PUM2: variants seen among roughly 807,000 people sequenced by gnomAD.
The protein encoded by PUM2 is pumilio RNA binding family member 2, also known as pumilio homolog 2.
A neutral mutation model predicts 124.5 loss-of-function variants in PUM2; 57 were observed. The ratio of observed to expected loss-of-function variants is 0.46; its 90% CI spans 0.37 to 0.57. The LOEUF (loss-of-function observed/expected upper bound fraction) is 0.57. Ranked by LOEUF, PUM2 falls within the 20% of genes least tolerant of loss-of-function variation. The pLI is 0.00. For missense variants in PUM2, 1,065 were observed against 1,290.6 expected, an observed-to-expected ratio of 0.83 and a Z score of 2.68; for synonymous variants, 460 against 446.1, an observed-to-expected ratio of 1.03 and a Z score of -0.39.
In PUM2 at chr2:20,258,287, G is replaced by A. The variant is rs757617481; in HGVS notation, c.2440C>T (p.Arg814Cys). Residue 814 changes from arginine (R) to cysteine (C), a missense_variant, in exon 16 of 21, where the codon CGC (arginine) becomes TGC (cysteine). Around this residue, in one of 3 missense-constraint regions of PUM2, gnomAD observed 968 missense variants for 1,159.8 expected, o/e 0.83. Coordinates refer to ENST00000361078, the MANE Select transcript of PUM2 (RefSeq NM_015317.5). ...GATTCTAATGCTTTCTGAATAACGCGGCAGCCATACATCTGCAAGGCTAAG... is the reference window on the plus strand; with the variant it reads ...GATTCTAATGCTTTCTGAATAACGCAGCAGCCATACATCTGCAAGGCTAAG... ...LPLALQMYGC[R>C]VIQKALESIS... 2 of 1,610,970 alleles carry A rather than the reference G, an allele frequency of 1.2e-6. No individual in the cohort carries two copies. The highest frequency in any genetic ancestry group is 1.7e-6 in the Non-Finnish European group (2 of 1,177,978).
At chr2:20,258,456 C>T (rs1166651879) in intron 15 of PUM2, 85 bp from the exon 16 acceptor site, 2 of 1,402,142 alleles carry the variant, frequency 1.4e-6, no homozygotes, top group Admixed American at 3.8e-5. Context: ...GCAGTCTATT[C>T]ATTCTATCAG....
At chr2:20,275,187 A>G (rs139102574) in intron 13 of PUM2, among the ~76,000 whole-genome samples, 2 of 152,042 alleles carry the variant, frequency 1.3e-5, no homozygotes, top group African/African-American at 4.8e-5. Flanking sequence ...GAACCAATAT[A>G]AAGGGGCTCC....
chr2:20,273,091 T>C (rs894280126), intron 13 of PUM2, among the ~76,000 whole-genome samples: 9 of 152,218 alleles, frequency 5.9e-5, no homozygotes, highest in South Asian at 4.1e-4. Context: ...GGTGGGATGG[T>C]GTAAATTACA....
At chr2:20,287,208 C>T (rs72787412) in intron 10 of PUM2, among the ~76,000 whole-genome samples, 8,924 of 152,186 alleles carry the variant, frequency 0.059, 349 homozygotes, top group Non-Finnish European at 0.088. Context: ...TTCCCATCTA[C>T]GACCACATTA....
chr2:20,291,992 A>G (rs921726535), intron 9 of PUM2, among the ~76,000 whole-genome samples: 1 of 151,266 alleles, frequency 6.6e-6, no homozygotes, highest in Non-Finnish European at 1.5e-5. Flanking sequence ...AAAGTCCTTT[A>G]GTTGGTGTGT....
At chr2:20,273,757 T>TA (rs1299788471) in intron 13 of PUM2, among the ~76,000 whole-genome samples, 2 of 152,126 alleles carry the variant, frequency 1.3e-5, no homozygotes, top group Non-Finnish European at 2.9e-5. Context: ...CTATACACAG[T>TA]CCCTAAATTG....
rs536027974 is a variant in PUM2 at position 20,308,297 on chromosome 2, A to C, written c.789+17T>G. ...TACAGTTAAGAGGACCTTCTTAAAG[A>C]AAGAACATGCTTTTACCTGCTGCTG... On this transcript the variant is annotated intron_variant, in intron 6 of 20. Coordinates refer to ENST00000361078, the MANE Select transcript of PUM2 (RefSeq NM_015317.5). 2.5e-6 allele frequency: 4 copies of C among 1,609,894 alleles called. No individual in the cohort carries two copies. The East Asian group carries it at 8.9e-5, about 36-fold the overall frequency.
chr2:20,255,957 C>T (rs2148437070), intron 17 of PUM2, 76 bp downstream of exon 17: 1 of 1,374,922 alleles, frequency 7.3e-7, no homozygotes, highest in Non-Finnish European at 9.6e-7. Context: ...TCTAGTGACT[C>T]ATGAAAAACG....
chr2:20,315,169 G>A (rs1435162855), intron 3 of PUM2, among the ~76,000 whole-genome samples: 2 of 150,412 alleles, frequency 1.3e-5, no homozygotes, highest in Non-Finnish European at 2.9e-5. Context: ...CTAAAGTGCT[G>A]CAATTACAGA....
At chr2:20,265,651 C>A (rs1667475308) in intron 13 of PUM2, among the ~76,000 whole-genome samples, 1 of 152,186 alleles carries the variant, frequency 6.6e-6, no homozygotes, top group African/African-American at 2.4e-5. Flanking sequence ...TTATACACAT[C>A]AATTGTATTT....
chr2:20,298,007 T>C (rs1040584060), intron 7 of PUM2, among the ~76,000 whole-genome samples: 6 of 152,342 alleles, frequency 3.9e-5, no homozygotes, highest in African/African-American at 1.4e-4. Flanking sequence ...AGCATGAGAC[T>C]GGCATAAAAT....
chr2:20,281,534 T>C (rs1671520465), intron 12 of PUM2, among the ~76,000 whole-genome samples: 1 of 151,940 alleles, frequency 6.6e-6, no homozygotes, highest in African/African-American at 2.4e-5. Flanking sequence ...TTCCACAAGT[T>C]TGTTTTTTAT....
intron 1 of PUM2, among the ~76,000 whole-genome samples, chr2:20,344,028 G>A (rs1687738534): frequency 6.6e-6 from 1 of 152,060 alleles, no homozygotes; most frequent in African/African-American, 2.4e-5. Context: ...ACCATTAACA[G>A]ATACAAGGTT....
At chr2:20,308,644 G>C in intron 5 of PUM2, 60 bp from the exon 6 acceptor site, 1 of 1,461,082 alleles carries the variant, frequency 6.8e-7, no homozygotes, top group Non-Finnish European at 9.2e-7. Flanking sequence ...TAGCGAAATG[G>C]GAAAATAGAA....
chr2:20,332,392 G>A lies in PUM2; in HGVS notation c.-18-5014C>T, dbSNP rs1391142443. On this transcript the variant is annotated intron_variant, in intron 1 of 20. Coordinates refer to ENST00000361078, the MANE Select transcript of PUM2 (RefSeq NM_015317.5). ...TTATTATCTTTCAATAATCAGGGTA[G>A]TAGAGTAAAAAGACTTAAAAAAAAA... Among the ~76,000 whole-genome samples, 3 of 147,490 alleles carry A rather than the reference G, an allele frequency of 2.0e-5. No homozygotes were observed. In the Admixed American group the frequency reaches 2.0e-4, roughly 10 times the overall value.
At chr2:20,267,669 T>A (rs1668019628) in intron 13 of PUM2, among the ~76,000 whole-genome samples, 1 of 152,210 alleles carries the variant, frequency 6.6e-6, no homozygotes, top group African/African-American at 2.4e-5. Context: ...AGAGTGTATA[T>A]AGGACATGTA....
At chr2:20,314,057 G>A (rs1346804275) in intron 3 of PUM2, among the ~76,000 whole-genome samples, 1 of 151,958 alleles carries the variant, frequency 6.6e-6, no homozygotes, top group African/African-American at 2.4e-5. Flanking sequence ...GAGGTGGAAG[G>A]ATCACCTGAG....
In PUM2 at chr2:20,312,827, G is replaced by A. The variant is rs148637556; in HGVS notation, c.161-404C>T. Among the ~76,000 whole-genome samples the A allele has an allele frequency of 5.3e-3, 808 of 152,192 alleles. 8 individuals carry two copies. Among genetic ancestry groups the A allele is most frequent in the African/African-American group, 0.018 (761 of 41,528 alleles). On this transcript the variant is annotated intron_variant, in intron 3 of 20. Transcript: ENST00000361078. ...TACTTGATTTCAAACTATACTACAAGGCTACAGTAACCAAGACAGCATGGT... is the reference window on the plus strand; with the variant it reads ...TACTTGATTTCAAACTATACTACAAAGCTACAGTAACCAAGACAGCATGGT...
chr2:20,278,796 C>T lies in PUM2; in HGVS notation c.1744G>A (p.Ala582Thr), dbSNP rs1193372812. 1.2e-6 allele frequency: 2 copies of T among 1,612,410 alleles called. No individual in the cohort carries two copies. Among genetic ancestry groups the T allele is most frequent in the Non-Finnish European group, 1.7e-6 (2 of 1,179,012 alleles). The change falls in exon 13 of 21, where the codon GCC (alanine) becomes ACC (threonine). Residue 582 changes from alanine (A) to threonine (T), a missense_variant. By Grantham distance (58) the Ala-to-Thr change is moderately conservative (BLOSUM62 0). This residue lies in a region of PUM2 where 968 missense variants were observed against 1,159.8 expected (regional missense o/e 0.83). Coordinates refer to ENST00000361078, the MANE Select transcript of PUM2 (RefSeq NM_015317.5). ...SSVGSSASSS[A>T]TRRESLSTSS... ...GTAGATAGAGACTCTCTCCTTGTGG[C>T]ACTACTACTTGCAGAACTGCCAACT...
Sources: gnomAD v4.1 joint callset for allele counts (sites outside exome capture counted in the v4.1 genomes callset) on GRCh38, gnomAD v4.1.1 for gene constraint, gnomAD v4.1.1 regional missense constraint, MANE v1.5 for transcripts, NCBI Gene and HGNC (gene_info 2026-07-23, HGNC 2026-07-21) for gene names.